The following ADGRL2 variants were observed in gnomAD, a reference collection of about 807,000 sequenced individuals.
ADGRL2 encodes calcium-independent alpha-latrotoxin receptor 2.
A neutral mutation model predicts 157.4 loss-of-function variants in ADGRL2; 44 were observed. That is an observed-to-expected ratio of 0.28 (90% CI 0.22 to 0.36). The LOEUF (loss-of-function observed/expected upper bound fraction) is 0.36. ADGRL2 is among the 10% of genes least tolerant of loss of function. The pLI, the probability that ADGRL2 is intolerant of heterozygous loss-of-function variation, is 1.00. For missense variants in ADGRL2, 1,510 were observed against 1,768.9 expected (o/e 0.85, Z 2.63); for synonymous variants, 585 against 624.7 (o/e 0.94, Z 0.95).
chr1:81,754,851 A>G (rs1447859432), intron 1 of ADGRL2, among the ~76,000 whole-genome samples: 1 of 151,876 alleles, frequency 6.6e-6, no homozygotes, highest in African/African-American at 2.4e-5. Flanking sequence ...GGAGGTAATA[A>G]TAACACCCAA....
chr1:81,929,574 A>C (rs568958912), intron 3 of ADGRL2, among the ~76,000 whole-genome samples: 1 of 152,306 alleles, frequency 6.6e-6, no homozygotes, highest in South Asian at 2.1e-4. Flanking sequence ...TGCACTTGGT[A>C]AAGTGTAATA....
chr1:81,787,544 A>C (rs1384319066), intron 2 of ADGRL2, among the ~76,000 whole-genome samples: 6 of 152,046 alleles, frequency 3.9e-5, no homozygotes. Flanking sequence ...AATCCCAGCT[A>C]CTCGGGAAGC....
chr1:81,794,472 T>A (rs76878379), intron 2 of ADGRL2, among the ~76,000 whole-genome samples: 4,744 of 152,268 alleles, frequency 0.031, 120 homozygotes, highest in African/African-American at 0.059. Flanking sequence ...GTTTAGCAAC[T>A]TCTTTTTAAT....
intron 1 of ADGRL2, among the ~76,000 whole-genome samples, chr1:81,352,376 C>G (rs1662961322): frequency 6.6e-6 from 1 of 152,176 alleles, no homozygotes; most frequent in African/African-American, 2.4e-5. Flanking sequence ...CAAAATACCC[C>G]CACCTGATGT....
intron 3 of ADGRL2, among the ~76,000 whole-genome samples, chr1:81,641,484 G>C (rs1470081747): frequency 6.6e-6 from 1 of 152,156 alleles, no homozygotes; most frequent in African/African-American, 2.4e-5. Context: ...TCTGATCTTA[G>C]ACCAAAAGGG....
chr1:81,571,034 A>G (rs150562987), intron 2 of ADGRL2, among the ~76,000 whole-genome samples: 5,633 of 152,124 alleles, frequency 0.037, 126 homozygotes, highest in African/African-American at 0.047. Context: ...AAAAATATAT[A>G]GTAGGCCAGA....
intron 2 of ADGRL2, among the ~76,000 whole-genome samples, chr1:81,487,644 CA>C (rs60645399): frequency 0.15 from 22,736 of 147,524 alleles, 3,036 homozygotes; most frequent in African/African-American, 0.37. Context: ...GACTCCATCT[CA>C]AAAAAAAAGG....
chr1:81,513,621 G>A (rs766639468), intron 2 of ADGRL2, among the ~76,000 whole-genome samples: 8 of 152,106 alleles, frequency 5.3e-5, no homozygotes, highest in Admixed American at 6.6e-5. Flanking sequence ...ACAGAACCGA[G>A]ACACAATCCC....
At chr1:81,829,750 C>T (rs1225434792) in intron 1 of ADGRL2, among the ~76,000 whole-genome samples, 1 of 152,158 alleles carries the variant, frequency 6.6e-6, no homozygotes, top group African/African-American at 2.4e-5. Context: ...GCTTCCTTAA[C>T]ATTACTTAAG....
chr1:81,371,057 A>G (rs891133152), intron 1 of ADGRL2, among the ~76,000 whole-genome samples: 1 of 152,136 alleles, frequency 6.6e-6, no homozygotes, highest in African/African-American at 2.4e-5. Flanking sequence ...TGAGGCAGAC[A>G]TTACTGAAAA....
In ADGRL2 at chr1:81,671,001, C is replaced by T. The variant is rs534184179; in HGVS notation, c.-143+90021C>T. On this transcript the variant is annotated intron_variant, in intron 3 of 24. Transcript: ENST00000370721. The stretch of plus-strand genomic sequence containing the variant: ...CTGGGACTACAGGCTTGAGCCGTCA[C>T]ACCTGGCCTCACAGATTGATTTTTA... 2.0e-5 allele frequency among the ~76,000 whole-genome samples: 3 copies of T among 152,332 alleles called. No homozygotes were observed. The South Asian group carries it at 6.2e-4, about 32-fold the overall frequency.
chr1:81,692,161 C>T (rs547470291), intron 3 of ADGRL2, among the ~76,000 whole-genome samples: 1 of 151,962 alleles, frequency 6.6e-6, no homozygotes, highest in Non-Finnish European at 1.5e-5. Context: ...AATCCTAGCA[C>T]TTTGGGAGGC....
At chr1:81,781,140 T>TCC (rs1388307641) in intron 2 of ADGRL2, among the ~76,000 whole-genome samples, 2 of 152,214 alleles carry the variant, frequency 1.3e-5, no homozygotes, top group Non-Finnish European at 2.9e-5. Flanking sequence ...TATTTATTTA[T>TCC]CTTTGTATTC....
At chr1:81,919,904 G>T (rs887930203) in intron 3 of ADGRL2, among the ~76,000 whole-genome samples, 1 of 152,222 alleles carries the variant, frequency 6.6e-6, no homozygotes, top group Middle Eastern at 3.4e-3. Flanking sequence ...TTCAACCCTT[G>T]ATGAGTAGAC....
chr1:81,386,813 T>C (rs1381627680), intron 1 of ADGRL2, among the ~76,000 whole-genome samples: 3 of 152,168 alleles, frequency 2.0e-5, no homozygotes, highest in Non-Finnish European at 4.4e-5. Context: ...TTCTTTTTTT[T>C]TCCCAGCTGA....
At chr1:81,436,866 C>A (rs958068791) in intron 1 of ADGRL2, among the ~76,000 whole-genome samples, 1 of 152,180 alleles carries the variant, frequency 6.6e-6, no homozygotes, top group East Asian at 1.9e-4. Context: ...CATGCCATAG[C>A]TATTTTTCCT....
chr1:81,865,834 AAC>A (rs2093527191), intron 2 of ADGRL2, among the ~76,000 whole-genome samples: 1 of 152,338 alleles, frequency 6.6e-6, no homozygotes, highest in South Asian at 2.1e-4. Context: ...TTAAAGAGAA[AAC>A]AGTTTGTATC....
intron 2 of ADGRL2, among the ~76,000 whole-genome samples, chr1:81,762,506 G>A (rs1026163790): frequency 6.6e-6 from 1 of 151,986 alleles, no homozygotes; most frequent in African/African-American, 2.4e-5. Context: ...ATATGGGAAA[G>A]GTCAGTGTAA....
At chr1:81,458,478 GT>G (rs1410835477) in intron 2 of ADGRL2, among the ~76,000 whole-genome samples, 2 of 152,120 alleles carry the variant, frequency 1.3e-5, no homozygotes, top group Non-Finnish European at 2.9e-5. Flanking sequence ...GGTTCCTATG[GT>G]GCCACTTTCC....
Sources: allele counts gnomAD v4.1 joint callset (sites outside exome capture counted in the v4.1 genomes callset), GRCh38; gene constraint gnomAD v4.1.1; transcripts MANE v1.5; gene names NCBI Gene and HGNC (gene_info 2026-07-23, HGNC 2026-07-21).